MYO10: variants seen among roughly 807,000 people sequenced by gnomAD.
MYO10 encodes the protein myosin X.
MYO10 carries 133 observed loss-of-function variants against 257.3 expected under a neutral mutation model. That is an observed-to-expected ratio of 0.52 (90% CI 0.45 to 0.60). The LOEUF (loss-of-function observed/expected upper bound fraction) is 0.60, where lower values mean the gene tolerates loss of function less well. Ranked by LOEUF, MYO10 falls within the 20% of genes least tolerant of loss-of-function variation. MYO10 has a pLI of 0.00. For synonymous variants in MYO10, 1,104 were observed against 1,028.6 expected (o/e 1.07, Z -1.40); for missense variants, 2,399 against 2,635.7 (o/e 0.91, Z 1.97).
chr5:16,916,818 G>C (rs779460028), intron 1 of MYO10, among the ~76,000 whole-genome samples: 1 of 152,174 alleles, frequency 6.6e-6, no homozygotes, highest in Middle Eastern at 3.2e-3. Context: ...AAAGGTTCAC[G>C]TACCCCATTC....
At chr5:16,671,796 G>A (rs1222672360) in intron 37 of MYO10, among the ~76,000 whole-genome samples, 4 of 152,132 alleles carry the variant, frequency 2.6e-5, no homozygotes, top group African/African-American at 9.7e-5. Flanking sequence ...AGCCGCATTC[G>A]AATTAGTACC....
intron 2 of MYO10, among the ~76,000 whole-genome samples, chr5:16,841,377 C>CTAACAACACAG (rs1188963366): frequency 1.3e-5 from 2 of 152,112 alleles, no homozygotes; most frequent in Non-Finnish European, 2.9e-5. Flanking sequence ...GTACTTATTA[C>CTAACAACACAG]TAACAACACA....
At chr5:16,717,744 AT>A (rs1444109244) in intron 19 of MYO10, among the ~76,000 whole-genome samples, 1 of 144,048 alleles carries the variant, frequency 6.9e-6, no homozygotes, top group Non-Finnish European at 1.5e-5. Flanking sequence ...ACCCACGGGG[AT>A]TTAACTCCAT....
At chr5:16,825,781 G>A (rs911992289) in intron 2 of MYO10, among the ~76,000 whole-genome samples, 1 of 152,190 alleles carries the variant, frequency 6.6e-6, no homozygotes, top group Non-Finnish European at 1.5e-5. Flanking sequence ...CCCAGGAGGC[G>A]GACATTGCAA....
At chr5:16,928,221 T>C (rs1047863682) in intron 1 of MYO10, among the ~76,000 whole-genome samples, 2 of 152,136 alleles carry the variant, frequency 1.3e-5, no homozygotes, top group African/African-American at 4.8e-5. Flanking sequence ...ACTATTACAA[T>C]TTTGGAGACA....
intron 2 of MYO10, among the ~76,000 whole-genome samples, chr5:16,834,510 G>A (rs1254634116): frequency 1.3e-5 from 2 of 152,258 alleles, no homozygotes; most frequent in South Asian, 2.1e-4. Context: ...GGTTCTCACT[G>A]TCTCATCAAA....
intron 1 of MYO10, among the ~76,000 whole-genome samples, chr5:16,930,124 T>C (rs1746254931): frequency 1.3e-5 from 2 of 152,192 alleles, no homozygotes; most frequent in South Asian, 4.1e-4. Context: ...GTAAAGCATG[T>C]AAAGCCTCTA....
intron 2 of MYO10, among the ~76,000 whole-genome samples, chr5:16,863,135 C>T (rs1346246063): frequency 6.6e-6 from 1 of 152,144 alleles, no homozygotes; most frequent in African/African-American, 2.4e-5. Flanking sequence ...CAAATGGACC[C>T]AAAGGAGAAC....
chr5:16,793,958 C>CTTT (rs1180042875), intron 4 of MYO10, among the ~76,000 whole-genome samples: 3 of 151,128 alleles, frequency 2.0e-5, no homozygotes, highest in Non-Finnish European at 4.4e-5. Flanking sequence ...AATTCTACTA[C>CTTT]TTTTTTAGAC....
intron 19 of MYO10, among the ~76,000 whole-genome samples, chr5:16,732,229 AAGGAGGGC>A (rs1445736349): frequency 1.3e-5 from 2 of 152,100 alleles, no homozygotes; most frequent in Non-Finnish European, 2.9e-5. Flanking sequence ...CAAAGGAAGG[AAGGAGGGC>A]AGGAGGGAAG....
chr5:16,819,251 C>G (rs1411924489), intron 2 of MYO10, among the ~76,000 whole-genome samples: 2 of 152,110 alleles, frequency 1.3e-5, no homozygotes, highest in Non-Finnish European at 2.9e-5. Context: ...CCAAAAACAG[C>G]AATGAGCGCT....
intron 19 of MYO10, among the ~76,000 whole-genome samples, chr5:16,722,004 CCATAGAT>C (rs1267071566): frequency 6.6e-6 from 1 of 152,176 alleles, no homozygotes; most frequent in African/African-American, 2.4e-5. Context: ...TTTAGTCCAA[CCATAGAT>C]CATTCTACTT....
Position 16,701,665 on chromosome 5 carries a change from C to T in MYO10, c.2730G>A (p.Ser910=), listed in dbSNP as rs758736664. The T allele has an allele frequency of 1.3e-5, 21 of 1,613,690 alleles. No individual in the cohort carries two copies. In the Admixed American group the frequency reaches 2.7e-4, roughly 20 times the overall value. The part of the protein sequence containing the change: ...LQRMKEQQEL[S]LTEASLQKLQ... The stretch of plus-strand genomic sequence containing the variant: ...GCTTCTGCAGGGAAGCCTCGGTCAG[C>T]GACAGCTCCTGCTGCTCCTTCATGC... Residue 910 remains serine (S), a synonymous_variant, in exon 25 of 41, where the codon TCG becomes TCA. Transcript: ENST00000513610. The surrounding 1 kb of genome is among the most constrained non-coding windows in gnomAD (Gnocchi z 8.1).
chr5:16,818,206 C>G, intron 2 of MYO10, 39 bp from the exon 3 acceptor site: 2 of 1,404,538 alleles, frequency 1.4e-6, no homozygotes, highest in Non-Finnish European at 1.9e-6. Context: ...TCATTATCAG[C>G]AGTAAGTGAT....
intron 4 of MYO10, among the ~76,000 whole-genome samples, chr5:16,792,577 C>A (rs79038985): frequency 8.3e-6 from 1 of 119,898 alleles, no homozygotes; most frequent in Admixed American, 8.4e-5. Flanking sequence ...TCCCTCCCCA[C>A]AGGAGCGGGG....
At chr5:16,887,376 C>CCAAAAT (rs1744924566) in intron 1 of MYO10, among the ~76,000 whole-genome samples, 1 of 152,222 alleles carries the variant, frequency 6.6e-6, no homozygotes, top group African/African-American at 2.4e-5. Flanking sequence ...AAAATCAAAA[C>CCAAAAT]CAAAATGAAC....
intron 2 of MYO10, among the ~76,000 whole-genome samples, chr5:16,852,486 T>C (rs1382058934): frequency 6.6e-6 from 1 of 152,070 alleles, no homozygotes; most frequent in Non-Finnish European, 1.5e-5. Context: ...GACCTTTTTT[T>C]TGCCTCTGGC....
intron 14 of MYO10, 62 bp downstream of exon 14, chr5:16,763,418 TA>T: frequency 7.7e-7 from 1 of 1,306,740 alleles, no homozygotes; most frequent in South Asian, 1.2e-5. Flanking sequence ...TTTGTTCCCA[TA>T]AATATGAATC....
Position 16,698,526 on chromosome 5 carries a change from T to A in MYO10, c.3556+924A>T, listed in dbSNP as rs536751960. 5.3e-5 allele frequency among the ~76,000 whole-genome samples: 8 copies of A among 152,194 alleles called. No homozygotes were observed. In the South Asian group the frequency reaches 1.7e-3, roughly 32 times the overall value. On this transcript the variant is annotated intron_variant, in intron 26 of 40. Transcript: ENST00000513610. The stretch of plus-strand genomic sequence containing the variant: ...TCATGAAGTAGGTATGGTGAGCAGT[T>A]CAAGCCAGCAGTGGGCCTCAGTGAG...
Sources: gnomAD v4.1 joint callset for allele counts (sites outside exome capture counted in the v4.1 genomes callset) on GRCh38, gnomAD v4.1.1 for gene constraint, Gnocchi (gnomAD v3.1) non-coding constraint, MANE v1.5 for transcripts, NCBI Gene and HGNC (gene_info 2026-07-23, HGNC 2026-07-21) for gene names.